MPPED2: variants seen among roughly 807,000 people sequenced by gnomAD.
The protein encoded by MPPED2 is metallophosphoesterase MPPED2.
Under a neutral mutation model 33.0 loss-of-function variants are expected in MPPED2, and 5 were observed. The observed-to-expected ratio is 0.15, with a 90% CI of 0.08 to 0.32. The LOEUF (loss-of-function observed/expected upper bound fraction) is 0.32. Ranked by LOEUF, MPPED2 falls within the 10% of genes least tolerant of loss-of-function variation. The probability of loss-of-function intolerance (pLI) is 1.00; values close to 1 mark genes in which losing one functional copy is unlikely to be tolerated. For synonymous variants in MPPED2, 136 were observed against 141.9 expected (o/e 0.96, Z 0.29); for missense variants, 275 against 372.1 (o/e 0.74, Z 2.15).
rs145778640 is a variant in MPPED2, at chr11:30,446,650, G to T, written c.537-29017C>A. On this transcript the variant is annotated intron_variant, in intron 4 of 6. Transcript: ENST00000358117. ...GCCTGCTCAGTAAAGCAATTAGAGA[G>T]CTCCTTGTATATTTCAATCTGGTTA... Among the ~76,000 whole-genome samples, 200 of 152,206 alleles carry T rather than the reference G, an allele frequency of 1.3e-3. 3 individuals carry two copies. Among genetic ancestry groups the T allele is most frequent in the African/African-American group, 4.3e-3 (180 of 41,540 alleles).
intron 3 of MPPED2, among the ~76,000 whole-genome samples, chr11:30,512,032 AT>A (rs1388244483): frequency 6.6e-6 from 1 of 152,134 alleles, no homozygotes; most frequent in East Asian, 1.9e-4. Context: ...CTCCTTAAAA[AT>A]TCTCATTATT....
intron 4 of MPPED2, among the ~76,000 whole-genome samples, chr11:30,473,920 A>G (rs367881024): frequency 1.4e-4 from 22 of 152,312 alleles, no homozygotes; most frequent in African/African-American, 5.3e-4. Context: ...TAATGTTGGA[A>G]GTGGATTCCA....
At chr11:30,573,263 T>G (rs911149279) in intron 2 of MPPED2, among the ~76,000 whole-genome samples, 4 of 152,178 alleles carry the variant, frequency 2.6e-5, no homozygotes, top group African/African-American at 9.6e-5. Context: ...CTCATGTGTT[T>G]ATGGTGATAC....
At chr11:30,466,058 C>A (rs1950693948) in intron 4 of MPPED2, among the ~76,000 whole-genome samples, 1 of 152,154 alleles carries the variant, frequency 6.6e-6, no homozygotes, top group Admixed American at 6.5e-5. Context: ...CTTTTCTTTT[C>A]AGTTGGCCTG....
At chr11:30,461,267 C>A (rs907633820) in intron 4 of MPPED2, among the ~76,000 whole-genome samples, 1 of 151,904 alleles carries the variant, frequency 6.6e-6, no homozygotes. Flanking sequence ...TTTGAAATAA[C>A]GAAAAAAGCT....
At chr11:30,565,527 C>A (rs781172765) in intron 2 of MPPED2, among the ~76,000 whole-genome samples, 1 of 152,124 alleles carries the variant, frequency 6.6e-6, no homozygotes, top group Non-Finnish European at 1.5e-5. Context: ...CCTCCAGCTC[C>A]AACCCTGCAC....
chr11:30,395,947 G>A (rs898483527), intron 6 of MPPED2, among the ~76,000 whole-genome samples: 27 of 152,020 alleles, frequency 1.8e-4, no homozygotes, highest in African/African-American at 5.3e-4. Context: ...GCAGATAATC[G>A]TCATAAATTT....
At chr11:30,558,780 T>C (rs1223957640) in intron 2 of MPPED2, among the ~76,000 whole-genome samples, 1 of 151,772 alleles carries the variant, frequency 6.6e-6, no homozygotes, top group Non-Finnish European at 1.5e-5. Flanking sequence ...TTCTTTCTTT[T>C]TTTTTTTCTG....
Position 30,410,622 on chromosome 11 carries a change from T to C in MPPED2, c.*846A>G. On this transcript the variant is annotated 3_prime_UTR_variant, in exon 7 of 7. Coordinates refer to ENST00000358117, the MANE Select transcript of MPPED2 (RefSeq NM_001584.3). Reference sequence around the variant, plus strand: ...GAATGTGTCAGTTCCTTCCGACTTCTGATGTGTTGCTATACAGCATCCCTT... The same window carrying C: ...GAATGTGTCAGTTCCTTCCGACTTCCGATGTGTTGCTATACAGCATCCCTT... 1.0e-6 allele frequency: 1 copy of C among 985,860 alleles called. No individual in the cohort carries two copies. The allele number at this position is 985,860 out of a possible 1,614,324, so 61.1% of individuals were successfully genotyped here.
At chr11:30,575,511 T>A (rs7103437) in intron 2 of MPPED2, among the ~76,000 whole-genome samples, 43 of 152,352 alleles carry the variant, frequency 2.8e-4, no homozygotes, top group African/African-American at 1.0e-3. Flanking sequence ...AGTATTTGTA[T>A]ACAGATCGCT....
rs143133143 is a variant in MPPED2 at position 30,462,038 on chromosome 11, T to C, written c.536+33258A>G. ...CTGTCAAACTCAGAGGCCTGGGATA[T>C]GGGTGCTGGAGGGAGACCAGGGGAA... is the stretch of plus-strand genomic sequence containing the variant. On this transcript the variant is annotated intron_variant, in intron 4 of 6. Transcript: ENST00000358117. 9.0e-3 allele frequency among the ~76,000 whole-genome samples: 1,364 copies of C among 152,328 alleles called. 34 individuals carry two copies. Among genetic ancestry groups the C allele is most frequent in the African/African-American group, 0.029 (1,199 of 41,570 alleles).
chr11:30,452,843 C>A (rs545126625), intron 4 of MPPED2, among the ~76,000 whole-genome samples: 1 of 151,474 alleles, frequency 6.6e-6, no homozygotes, highest in Non-Finnish European at 1.5e-5. Context: ...CGTGGCTCTG[C>A]AAAAAGGATG....
chr11:30,548,498 G>A (rs1955545626), intron 2 of MPPED2, among the ~76,000 whole-genome samples: 1 of 152,198 alleles, frequency 6.6e-6, no homozygotes, highest in Admixed American at 6.5e-5. Context: ...GGGATTACAG[G>A]TGTTAGCCAC....
At chr11:30,427,006 G>A (rs925440774) in intron 4 of MPPED2, among the ~76,000 whole-genome samples, 12 of 152,078 alleles carry the variant, frequency 7.9e-5, no homozygotes, top group African/African-American at 2.9e-4. Flanking sequence ...CCAGAGCACA[G>A]GACGAACAGG....
chr11:30,501,854 G>A (rs1327436593), intron 3 of MPPED2, among the ~76,000 whole-genome samples: 1 of 152,140 alleles, frequency 6.6e-6, no homozygotes, highest in African/African-American at 2.4e-5. Context: ...CATTTAACAT[G>A]CCACTTATAA....
At chr11:30,554,686 G>A (rs893263493) in intron 2 of MPPED2, among the ~76,000 whole-genome samples, 6 of 152,000 alleles carry the variant, frequency 3.9e-5, no homozygotes, top group Non-Finnish European at 8.8e-5. Flanking sequence ...GTAGAGATGG[G>A]GTTTCACTGT....
At chr11:30,429,762 A>G (rs1454966846) in intron 4 of MPPED2, among the ~76,000 whole-genome samples, 2 of 152,120 alleles carry the variant, frequency 1.3e-5, no homozygotes, top group African/African-American at 4.8e-5. Context: ...TGCCCATTAA[A>G]ATTTCACTGA....
At chr11:30,451,596 C>A (rs557163533) in intron 4 of MPPED2, 1 of 673,010 alleles carries the variant, frequency 1.5e-6, no homozygotes, top group African/African-American at 2.0e-5. Flanking sequence ...CCACCACTAC[C>A]ACCCTCACTC....
chr11:30,452,828 T>C (rs1950120259), intron 4 of MPPED2, among the ~76,000 whole-genome samples: 1 of 152,106 alleles, frequency 6.6e-6, no homozygotes, highest in Non-Finnish European at 1.5e-5. Context: ...GCCAACATTA[T>C]TCTACGTGGC....
Sources: allele counts gnomAD v4.1 joint callset (sites outside exome capture counted in the v4.1 genomes callset), GRCh38; gene constraint gnomAD v4.1.1; transcripts MANE v1.5; gene names NCBI Gene and HGNC (gene_info 2026-07-23, HGNC 2026-07-21).